DOP1A: variants seen among roughly 807,000 people sequenced by gnomAD.
DOP1A encodes DOP1 leucine zipper like protein A.
DOP1A carries 90 observed loss-of-function variants against 267.6 expected under a neutral mutation model. That is an observed-to-expected ratio of 0.34 (90% CI 0.28 to 0.40). The LOEUF is 0.40. DOP1A is among the 10% of genes least tolerant of loss of function. DOP1A has a pLI of 1.00. For synonymous variants in DOP1A, 932 were observed against 999.1 expected, an observed-to-expected ratio of 0.93 and a Z score of 1.27; for missense variants, 2,437 against 2,900.4, an observed-to-expected ratio of 0.84 and a Z score of 3.67.
At chr6:83,130,435 A>C (rs916240923) in intron 17 of DOP1A, 38 bp downstream of exon 17, 2 of 1,576,822 alleles carry the variant, frequency 1.3e-6, no homozygotes, top group African/African-American at 2.7e-5. Flanking sequence ...TATGATGATT[A>C]CAGCCATGTA....
Position 83,152,271 on chromosome 6 carries a change from T to C in DOP1A, c.6050-17T>C. 1 of 1,482,098 alleles carries C rather than the reference T, an allele frequency of 6.7e-7. No homozygotes were observed. The highest frequency in any genetic ancestry group is 9.2e-7 in the Non-Finnish European group (1 of 1,087,344). The allele number at this position is 1,482,098 out of a possible 1,614,324, so 91.8% of individuals were successfully genotyped here. A position where few individuals can be genotyped will look rare whatever the true frequency, so the allele number is the denominator to read the frequency against. On this transcript the variant is annotated splice_polypyrimidine_tract_variant and intron_variant, in intron 29 of 38. Coordinates refer to ENST00000349129, the MANE Select transcript of DOP1A (RefSeq NM_015018.4). ...CAGTGGGAATTAGCCATATCTTTAA[T>C]TTTCTCTTATTTATAGATATGTTAT...
Position 83,158,634 on chromosome 6 carries a change from T to A in DOP1A, c.6797+12T>A. On this transcript the variant is annotated intron_variant, in intron 36 of 38. Coordinates refer to ENST00000349129, the MANE Select transcript of DOP1A (RefSeq NM_015018.4). ...GAAGATATTTCACGGTAATATGTAA[T>A]TTAAATATATTGTTGTCCATTTTTT... is the stretch of plus-strand genomic sequence containing the variant. 1 of 1,583,098 alleles carries A rather than the reference T, an allele frequency of 6.3e-7. No individual in the cohort carries two copies. Among genetic ancestry groups the A allele is most frequent in the Non-Finnish European group, 8.6e-7 (1 of 1,156,226 alleles).
chr6:83,125,072 A>T lies in DOP1A; in HGVS notation c.1456-94A>T, dbSNP rs963480596. The T allele has an allele frequency of 5.9e-6, 7 of 1,179,602 alleles. No homozygotes were observed. The East Asian group carries it at 1.5e-4, about 26-fold the overall frequency. 73.1% of individuals were successfully genotyped at this position (1,179,602 alleles called of 1,614,324 possible). A position where few individuals can be genotyped will look rare whatever the true frequency, so the allele number is the denominator to read the frequency against. On this transcript the variant is annotated intron_variant, in intron 13 of 38. Coordinates refer to ENST00000349129, the MANE Select transcript of DOP1A (RefSeq NM_015018.4). ...TTAGTGTATAGTGGTCTAATGCTGCATTTATATTAATATTATTTCTATTAA... is the reference window on the plus strand; with the variant it reads ...TTAGTGTATAGTGGTCTAATGCTGCTTTTATATTAATATTATTTCTATTAA...
intron 38 of DOP1A, chr6:83,166,983 C>G: frequency 1.0e-6 from 1 of 986,002 alleles, no homozygotes; most frequent in African/African-American, 1.7e-5. Context: ...CCAAGTTCAA[C>G]CAACCTGTTC....
intron 1 of DOP1A, among the ~76,000 whole-genome samples, chr6:83,069,858 T>C (rs905363987): frequency 2.0e-5 from 3 of 152,188 alleles, no homozygotes; most frequent in Non-Finnish European, 2.9e-5. Flanking sequence ...TGTGATGATT[T>C]CTCCTTATAG....
intron 15 of DOP1A, among the ~76,000 whole-genome samples, chr6:83,125,986 G>A (rs1051568078): frequency 6.6e-6 from 1 of 151,880 alleles, no homozygotes; most frequent in African/African-American, 2.4e-5. Flanking sequence ...AAAGTAAAAA[G>A]CAGGTAAAGT....
intron 3 of DOP1A, among the ~76,000 whole-genome samples, chr6:83,099,852 C>G (rs1772249788): frequency 6.6e-6 from 1 of 151,972 alleles, no homozygotes; most frequent in Non-Finnish European, 1.5e-5. Context: ...TACTTTTGCA[C>G]TAACCTATTA....
intron 17 of DOP1A, among the ~76,000 whole-genome samples, chr6:83,130,615 A>T (rs1777867556): frequency 6.6e-6 from 1 of 152,192 alleles, no homozygotes; most frequent in African/African-American, 2.4e-5. Flanking sequence ...AGATAAGGAT[A>T]AAGGAGTAGG....
rs539469854 is a variant in DOP1A, at chr6:83,141,823, G to A, written c.5416-98G>A. 4.0e-3 allele frequency: 4,896 copies of A among 1,229,178 alleles called. 13 individuals are homozygous for A. Among genetic ancestry groups the A allele is most frequent in the Non-Finnish European group, 5.2e-3 (4,615 of 893,094 alleles). 76.1% of individuals were successfully genotyped at this position (1,229,178 alleles called of 1,614,324 possible). A position where few individuals can be genotyped will look rare whatever the true frequency, so the allele number is the denominator to read the frequency against. ...GTTATTTAGATAGTAAAACCTATAA[G>A]TACTATATTATTTCAAAGAAACCAA... On this transcript the variant is annotated intron_variant, in intron 23 of 38. Coordinates refer to ENST00000349129, the MANE Select transcript of DOP1A (RefSeq NM_015018.4).
At chr6:83,098,499 G>A (rs192328394) in intron 3 of DOP1A, among the ~76,000 whole-genome samples, 1 of 152,272 alleles carries the variant, frequency 6.6e-6, no homozygotes, top group East Asian at 1.9e-4. Context: ...ACAAGCCCTA[G>A]TTTGTTTTAC....
At chr6:83,069,773 G>T (rs922654193) in intron 1 of DOP1A, among the ~76,000 whole-genome samples, 1 of 152,106 alleles carries the variant, frequency 6.6e-6, no homozygotes, top group African/African-American at 2.4e-5. Flanking sequence ...GTGGAGTGTA[G>T]TTATTGATTT....
chr6:83,166,549 A>T, intron 38 of DOP1A: 1 of 624,958 alleles, frequency 1.6e-6, no homozygotes, highest in South Asian at 2.0e-5. Flanking sequence ...AACAGCAATA[A>T]GTCATTAGCA....
intron 1 of DOP1A, among the ~76,000 whole-genome samples, chr6:83,088,046 T>A (rs1404003730): frequency 6.6e-6 from 1 of 152,150 alleles, no homozygotes; most frequent in African/African-American, 2.4e-5. Context: ...TAACCTTTTG[T>A]ATTTTTTTAG....
intron 1 of DOP1A, among the ~76,000 whole-genome samples, chr6:83,082,810 CTTT>C (rs1191012120): frequency 3.5e-5 from 5 of 142,026 alleles, no homozygotes; most frequent in Non-Finnish European, 3.1e-5. Context: ...TTTAAACCCA[CTTT>C]TTTTTTTTTT....
At chr6:83,116,885 A>G (rs933234724) in intron 7 of DOP1A, among the ~76,000 whole-genome samples, 21 of 152,220 alleles carry the variant, frequency 1.4e-4, no homozygotes, top group Non-Finnish European at 2.1e-4. Flanking sequence ...TAGAAGCCCA[A>G]CTTTTATTAT....
At chr6:83,079,298 A>AT (rs1387401553) in intron 1 of DOP1A, among the ~76,000 whole-genome samples, 1 of 152,066 alleles carries the variant, frequency 6.6e-6, no homozygotes, top group Admixed American at 6.6e-5. Flanking sequence ...ATCTCAGTGA[A>AT]TTTTTTTGCA....
At chr6:83,130,530 T>C (rs1777851911) in intron 17 of DOP1A, 133 bp downstream of exon 17, 1 of 1,122,752 alleles carries the variant, frequency 8.9e-7, no homozygotes, top group East Asian at 2.6e-5. Flanking sequence ...GGCCATACCA[T>C]GTAGAAAATG....
At chr6:83,149,342 TAGTC>T (rs776747077) in intron 27 of DOP1A, among the ~76,000 whole-genome samples, 9 of 152,236 alleles carry the variant, frequency 5.9e-5, no homozygotes, top group Non-Finnish European at 1.2e-4. Context: ...TGGGATGTCA[TAGTC>T]AGTCTCTCTT....
chr6:83,124,540 C>T (rs1447186293), intron 12 of DOP1A, among the ~76,000 whole-genome samples, 165 bp from the exon 13 acceptor site: 1 of 152,060 alleles, frequency 6.6e-6, no homozygotes, highest in Non-Finnish European at 1.5e-5. Flanking sequence ...GAGAATTTTC[C>T]ATGAAGAGGT....
Sources: gnomAD v4.1 joint callset for allele counts (sites outside exome capture counted in the v4.1 genomes callset) on GRCh38, gnomAD v4.1.1 for gene constraint, MANE v1.5 for transcripts, NCBI Gene and HGNC (gene_info 2026-07-23, HGNC 2026-07-21) for gene names.